Variants in ROMO1 observed in about 807,000 individuals in gnomAD.
ROMO1 encodes the protein reactive oxygen species modulator 1, also known as PCM19.
Under a neutral mutation model 7.4 loss-of-function variants are expected in ROMO1, and 8 were observed. The observed-to-expected ratio is 1.08, with a 90% confidence interval of 0.63 to 1.95. The LOEUF (loss-of-function observed/expected upper bound fraction) is 1.95. Ranked by LOEUF, ROMO1 falls within the 30% of genes most tolerant of loss-of-function variation. The pLI, the probability that ROMO1 is intolerant of heterozygous loss-of-function variation, is 0.00. For synonymous variants in ROMO1, 43 were observed against 41.4 expected (o/e 1.04, Z -0.15); for missense variants, 91 against 115.9 (o/e 0.79, Z 0.99).
rs1287947874 is a variant in ROMO1 at position 35,699,421 on chromosome 20, G to A, written c.-36G>A. 2 of 1,195,200 alleles carry A rather than the reference G, an allele frequency of 1.7e-6. No individual in the cohort carries two copies. Among genetic ancestry groups the A allele is most frequent in the Non-Finnish European group, 1.1e-6 (1 of 883,726 alleles). The allele number at this position is 1,195,200 out of a possible 1,614,324, so 74.0% of individuals were successfully genotyped here. On this transcript the variant is annotated 5_prime_UTR_variant, in exon 1 of 3. Coordinates refer to ENST00000374077, the MANE Select transcript of ROMO1 (RefSeq NM_080748.3). This position sits in a 1 kb window ranked among gnomAD's most constrained non-coding sequence, Gnocchi z 4.4. Reference sequence around the variant, plus strand: ...CTCCCCGTCGTTTTCCGTGAGAGACGTAGAGCTGAGCGACCCAGCCCGCGA... The same window carrying A: ...CTCCCCGTCGTTTTCCGTGAGAGACATAGAGCTGAGCGACCCAGCCCGCGA...
At position 35,699,866 on chromosome 20, in the gene ROMO1, TC is replaced by T; in HGVS notation, c.131+104del. 7.0e-7 allele frequency: 1 copy of T among 1,425,064 alleles called. No individual in the cohort carries two copies. The highest frequency in any genetic ancestry group is 9.4e-7 in the Non-Finnish European group (1 of 1,066,068). The allele number at this position is 1,425,064 out of a possible 1,614,324, so 88.3% of individuals were successfully genotyped here. On this transcript the variant is annotated intron_variant, in intron 2 of 2. Transcript: ENST00000374077. This position sits in a 1 kb window ranked among gnomAD's most constrained non-coding sequence, Gnocchi z 4.4. ...CACAGCCTCCTTCTTTCGACTTCCC[TC>T]TCTGTCCCCTCGCGAGCCAGACTCA...
In ROMO1 at chr20:35,699,600, G is replaced by A; in HGVS notation, c.1-33G>A. 1 of 1,608,834 alleles carries A rather than the reference G, an allele frequency of 6.2e-7. No individual in the cohort carries two copies. Among genetic ancestry groups the A allele is most frequent in the Non-Finnish European group, 8.5e-7 (1 of 1,179,730 alleles). On this transcript the variant is annotated intron_variant, in intron 1 of 2. Coordinates refer to ENST00000374077, the MANE Select transcript of ROMO1 (RefSeq NM_080748.3). This position sits in a 1 kb window ranked among gnomAD's most constrained non-coding sequence, Gnocchi z 4.4. ...CCGTCCCCGCCCGACTCTTGGGCCA[G>A]CGCCTGGGCCCACACTTTCCTATCC...
At position 35,699,547 on chromosome 20, in the gene ROMO1, C is replaced by A; in HGVS notation, c.1-86C>A. On this transcript the variant is annotated intron_variant, in intron 1 of 2. Transcript: ENST00000374077. The surrounding 1 kb of genome is among the most constrained non-coding windows in gnomAD (Gnocchi z 4.4). ...TTCCTTCCCTTACTTCCCCTGAGCC[C>A]TTGGGCCCACTTCCCAGCCTACCGC... is the stretch of plus-strand genomic sequence containing the variant. 1 of 1,574,616 alleles carries A rather than the reference C, an allele frequency of 6.4e-7. No homozygotes were observed.
rs762435014 is a variant in ROMO1, at chr20:35,699,791, G to A, written c.131+28G>A. Reference sequence around the variant, plus strand: ...GAGGGGCGCGGGCGGTGATCTCTGGGCAGGACAACCAGACCTTCCGGCCCT... The same window carrying A: ...GAGGGGCGCGGGCGGTGATCTCTGGACAGGACAACCAGACCTTCCGGCCCT... On this transcript the variant is annotated intron_variant, in intron 2 of 2. Coordinates refer to ENST00000374077, the MANE Select transcript of ROMO1 (RefSeq NM_080748.3). The surrounding 1 kb of genome is among the most constrained non-coding windows in gnomAD (Gnocchi z 4.4). 2 of 1,595,700 alleles carry A rather than the reference G, an allele frequency of 1.3e-6. No individual in the cohort carries two copies. Among genetic ancestry groups the A allele is most frequent in the Middle Eastern group, 1.7e-4 (1 of 6,012 alleles).
At position 35,699,570 on chromosome 20, in the gene ROMO1, C is replaced by A; in HGVS notation, c.1-63C>A. 1 of 1,599,696 alleles carries A rather than the reference C, an allele frequency of 6.3e-7. No homozygotes were observed. Among genetic ancestry groups the A allele is most frequent in the Non-Finnish European group, 8.5e-7 (1 of 1,177,592 alleles). On this transcript the variant is annotated intron_variant, in intron 1 of 2. Transcript: ENST00000374077. The surrounding 1 kb of genome is among the most constrained non-coding windows in gnomAD (Gnocchi z 4.4). ...CCCTTGGGCCCACTTCCCAGCCTAC[C>A]GCTTCCGTCCCCGCCCGACTCTTGG...
rs917636523 is a variant in ROMO1 at position 35,699,507 on chromosome 20, G to A, written c.-1+51G>A. The A allele has an allele frequency of 1.4e-5, 20 of 1,387,682 alleles. No individual in the cohort carries two copies. Among genetic ancestry groups the A allele is most frequent in the Non-Finnish European group, 2.0e-5 (20 of 1,012,750 alleles). The allele number at this position is 1,387,682 out of a possible 1,614,324, so 86.0% of individuals were successfully genotyped here. On this transcript the variant is annotated intron_variant, in intron 1 of 2. Coordinates refer to ENST00000374077, the MANE Select transcript of ROMO1 (RefSeq NM_080748.3). This position sits in a 1 kb window ranked among gnomAD's most constrained non-coding sequence, Gnocchi z 4.4. ...GAACGCGAAGAGGGTGGTGGAGTCG[G>A]GCTACCCACTGATTTTCCTTCCCTT...
Position 35,699,883 on chromosome 20 carries a change from G to C in ROMO1, c.131+120G>C, listed in dbSNP as rs1470838314. 3.8e-6 allele frequency: 5 copies of C among 1,331,784 alleles called. No individual in the cohort carries two copies. Among genetic ancestry groups the C allele is most frequent in the Non-Finnish European group, 5.1e-6 (5 of 988,328 alleles). 82.5% of individuals were successfully genotyped at this position (1,331,784 alleles called of 1,614,324 possible). A position where few individuals can be genotyped will look rare whatever the true frequency, so the allele number is the denominator to read the frequency against. ...GACTTCCCTCTCTGTCCCCTCGCGA[G>C]CCAGACTCATTCCAAACCACCTTCA... On this transcript the variant is annotated intron_variant, in intron 2 of 2. Transcript: ENST00000374077. The surrounding 1 kb of genome is among the most constrained non-coding windows in gnomAD (Gnocchi z 4.4).
At position 35,699,837 on chromosome 20, in the gene ROMO1, T is replaced by TGTGTTCAGGCTCCAG; in HGVS notation, c.131+75_131+76insTGTTCAGGCTCCAGG. 1 of 1,513,176 alleles carries TGTGTTCAGGCTCCAG rather than the reference T, an allele frequency of 6.6e-7. No individual in the cohort carries two copies. The highest frequency in any genetic ancestry group is 8.8e-7 in the Non-Finnish European group (1 of 1,131,494). The allele number at this position is 1,513,176 out of a possible 1,614,324, so 93.7% of individuals were successfully genotyped here. On this transcript the variant is annotated intron_variant, in intron 2 of 2. Transcript: ENST00000374077. The surrounding 1 kb of genome is among the most constrained non-coding windows in gnomAD (Gnocchi z 4.4). ...GCCCTGCCCCATTCGGCCTGGAGCC[T>TGTGTTCAGGCTCCAG]GAACACAGCCTCCTTCTTTCGACTT...
Position 35,700,824 on chromosome 20 carries a change from T to TG in ROMO1, c.161dup (p.Gly55ArgfsTer50). On this transcript the variant is annotated frameshift_variant, in exon 3 of 3. Transcript: ENST00000374077. LOFTEE classifies it high-confidence loss of function. ...ATCGGAATGCGGGGTCGAGAGCTGA[T>TG]GGGCGGCATTGGGAAAACCATGATG... is the stretch of plus-strand genomic sequence containing the variant. The TG allele has an allele frequency of 6.2e-7, 1 of 1,614,230 alleles. No individual in the cohort carries two copies. The highest frequency in any genetic ancestry group is 1.6e-4 in the Middle Eastern group (1 of 6,062).
At chr20:35,700,149 ATTT>A (rs1032478157) in intron 2 of ROMO1, among the ~76,000 whole-genome samples, 1 of 150,908 alleles carries the variant, frequency 6.6e-6, no homozygotes, top group South Asian at 2.1e-4. Flanking sequence ...TGTTGCTTTT[ATTT>A]TTTTTTCCAA....
chr20:35,700,755 A>G (rs1285694052), intron 2 of ROMO1, 43 bp from the exon 3 acceptor site: 10 of 1,540,932 alleles, frequency 6.5e-6, no homozygotes, highest in East Asian at 2.2e-5. Context: ...ACTCTTTCTG[A>G]TATTTTTGTT....
At chr20:35,700,632 T>C in intron 2 of ROMO1, 166 bp from the exon 3 acceptor site, 1 of 636,868 alleles carries the variant, frequency 1.6e-6, no homozygotes, top group Non-Finnish European at 2.9e-6. Context: ...GATGGATCTT[T>C]TTCCTTCTCA....
Position 35,699,467 on chromosome 20 carries a change from G to A in ROMO1, c.-1+11G>A. The A allele has an allele frequency of 4.1e-6, 5 of 1,209,498 alleles. No homozygotes were observed. Among genetic ancestry groups the A allele is most frequent in the Non-Finnish European group, 5.7e-6 (5 of 877,150 alleles). 74.9% of individuals were successfully genotyped at this position (1,209,498 alleles called of 1,614,324 possible). A position where few individuals can be genotyped will look rare whatever the true frequency, so the allele number is the denominator to read the frequency against. On this transcript the variant is annotated intron_variant, in intron 1 of 2. Coordinates refer to ENST00000374077, the MANE Select transcript of ROMO1 (RefSeq NM_080748.3). This position sits in a 1 kb window ranked among gnomAD's most constrained non-coding sequence, Gnocchi z 4.4. ...CGCGAGCGAGGTGAGGTAGGCGCCG[G>A]GCGACGCGGGGCCGGAACGCGAAGA...
In ROMO1 at chr20:35,699,432, C is replaced by T. The variant is rs1238509687; in HGVS notation, c.-25C>T. 5.7e-5 allele frequency: 67 copies of T among 1,169,636 alleles called. No homozygotes were observed. In the East Asian group the frequency reaches 1.8e-3, roughly 31 times the overall value. 72.5% of individuals were successfully genotyped at this position (1,169,636 alleles called of 1,614,324 possible). ...TTTCCGTGAGAGACGTAGAGCTGAG[C>T]GACCCAGCCCGCGAGCGAGGTGAGG... On this transcript the variant is annotated 5_prime_UTR_variant, in exon 1 of 3. Coordinates refer to ENST00000374077, the MANE Select transcript of ROMO1 (RefSeq NM_080748.3). This position sits in a 1 kb window ranked among gnomAD's most constrained non-coding sequence, Gnocchi z 4.4.
Position 35,700,916 on chromosome 20 carries a change from C to T in ROMO1, c.*10C>T. Reference sequence around the variant, plus strand: ...GGGCATCCGATGCTAACCATGGTTGCCAACTACATCTGTCCCTTCCCATCA... The same window carrying T: ...GGGCATCCGATGCTAACCATGGTTGTCAACTACATCTGTCCCTTCCCATCA... On this transcript the variant is annotated 3_prime_UTR_variant, in exon 3 of 3. Coordinates refer to ENST00000374077, the MANE Select transcript of ROMO1 (RefSeq NM_080748.3). 6 of 1,582,886 alleles carry T rather than the reference C, an allele frequency of 3.8e-6. No homozygotes were observed. The highest frequency in any genetic ancestry group is 5.2e-6 in the Non-Finnish European group (6 of 1,151,478).
Position 35,700,781 on chromosome 20 carries a change from C to T in ROMO1, c.132-17C>T. ...TATTTTTGTTACCAAATAGCTCCAT[C>T]TTGGTTTCCTCCTCAGGATCGGAAT... is the stretch of plus-strand genomic sequence containing the variant. On this transcript the variant is annotated splice_polypyrimidine_tract_variant and intron_variant, in intron 2 of 2. Coordinates refer to ENST00000374077, the MANE Select transcript of ROMO1 (RefSeq NM_080748.3). 6.2e-7 allele frequency: 1 copy of T among 1,608,254 alleles called. No individual in the cohort carries two copies. The highest frequency in any genetic ancestry group is 1.3e-5 in the African/African-American group (1 of 74,948).
Position 35,700,872 on chromosome 20 carries a change from C to G in ROMO1, c.206C>G (p.Thr69Arg), listed in dbSNP as rs1445906006. ...TMMQSGGTFG[T>R]FMAIGMGIRC ...ATGCAGAGTGGCGGCACCTTTGGCA[C>G]ATTCATGGCCATTGGGATGGGCATC... The change falls in exon 3 of 3, where the codon ACA (threonine) becomes AGA (arginine). Residue 69 changes from threonine to arginine, a missense_variant. Thr to Arg is a moderately conservative substitution (Grantham distance 71, BLOSUM62 -1). Transcript: ENST00000374077. 3.7e-6 allele frequency: 6 copies of G among 1,613,922 alleles called. No individual in the cohort carries two copies. Among genetic ancestry groups the G allele is most frequent in the Non-Finnish European group, 5.1e-6 (6 of 1,179,908 alleles).
Position 35,699,482 on chromosome 20 carries a change from G to T in ROMO1, c.-1+26G>T, listed in dbSNP as rs527553654. ...GTAGGCGCCGGGCGACGCGGGGCCGGAACGCGAAGAGGGTGGTGGAGTCGG... is the reference window on the plus strand; with the variant it reads ...GTAGGCGCCGGGCGACGCGGGGCCGTAACGCGAAGAGGGTGGTGGAGTCGG... On this transcript the variant is annotated intron_variant, in intron 1 of 2. Coordinates refer to ENST00000374077, the MANE Select transcript of ROMO1 (RefSeq NM_080748.3). The surrounding 1 kb of genome is among the most constrained non-coding windows in gnomAD (Gnocchi z 4.4). 6.3e-6 allele frequency: 8 copies of T among 1,267,776 alleles called. No homozygotes were observed. In the African/African-American group the frequency reaches 1.2e-4, roughly 19 times the overall value. 78.5% of individuals were successfully genotyped at this position (1,267,776 alleles called of 1,614,324 possible).
Position 35,699,749 on chromosome 20 carries a change from C to T in ROMO1, c.117C>T (p.Thr39=), listed in dbSNP as rs1044040868. ...VGMAAGALFG[T]FSCLRIGMRG... The stretch of plus-strand genomic sequence containing the variant: ...TGGCGGCCGGGGCGCTCTTCGGCAC[C>T]TTTTCCTGTCTCAGGTGAGGGGCGC... Residue 39 remains threonine (T), a synonymous_variant, in exon 2 of 3, where the codon ACC becomes ACT. Coordinates refer to ENST00000374077, the MANE Select transcript of ROMO1 (RefSeq NM_080748.3). This position sits in a 1 kb window ranked among gnomAD's most constrained non-coding sequence, Gnocchi z 4.4. The T allele has an allele frequency of 4.3e-6, 7 of 1,610,068 alleles. No individual in the cohort carries two copies. The Admixed American group carries it at 5.0e-5, about 12-fold the overall frequency.
Sources: allele counts gnomAD v4.1 joint callset (sites outside exome capture counted in the v4.1 genomes callset), GRCh38; gene constraint gnomAD v4.1.1; non-coding constraint Gnocchi (gnomAD v3.1); transcripts MANE v1.5; gene names NCBI Gene and HGNC (gene_info 2026-07-23, HGNC 2026-07-21).